The following RBFOX1 variants were observed in gnomAD, a reference collection of about 807,000 sequenced individuals.
RBFOX1 encodes the protein RNA binding fox-1 homolog 1, also known as RNA binding protein fox-1 homolog 1.
RBFOX1 carries 8 observed loss-of-function variants against 57.7 expected under a neutral mutation model. That is an observed-to-expected ratio of 0.14 (90% CI 0.08 to 0.25). The LOEUF (loss-of-function observed/expected upper bound fraction) is 0.25. Among genes scored for constraint, RBFOX1 ranks in the 10% least tolerant of loss-of-function variants. The pLI, the probability that RBFOX1 is intolerant of heterozygous loss-of-function variation, is 1.00. For missense variants in RBFOX1, 611 were observed against 548.5 expected, an observed-to-expected ratio of 1.11 and a Z score of -1.14; for synonymous variants, 326 against 222.4, an observed-to-expected ratio of 1.47 and a Z score of -4.15.
At chr16:6,594,926 C>G (rs772441255) in intron 2 of RBFOX1, among the ~76,000 whole-genome samples, 3 of 152,076 alleles carry the variant, frequency 2.0e-5, no homozygotes, top group Non-Finnish European at 4.4e-5. Flanking sequence ...GTAGCTGGGA[C>G]TACAGGTGCG....
chr16:5,412,093 G>C (rs476549), intron 1 of RBFOX1, among the ~76,000 whole-genome samples: 3 of 151,778 alleles, frequency 2.0e-5, no homozygotes, highest in East Asian at 1.9e-4. Context: ...AGGTAGCCTG[G>C]ATAATGGGGA....
intron 3 of RBFOX1, among the ~76,000 whole-genome samples, chr16:6,768,989 A>G (rs1305115458): frequency 1.3e-5 from 2 of 152,088 alleles, no homozygotes; most frequent in Admixed American, 1.3e-4. Flanking sequence ...GGGCTCCCAA[A>G]GTGTTGAGGT....
intron 2 of RBFOX1, among the ~76,000 whole-genome samples, chr16:6,360,854 G>C (rs754699847): frequency 2.0e-4 from 31 of 152,184 alleles, no homozygotes; most frequent in Non-Finnish European, 3.7e-4. Flanking sequence ...CAGTTGTTCA[G>C]TGTGTAGTCT....
rs34211877 is a variant in RBFOX1 at position 5,885,541 on chromosome 16, C to T, written c.351+18206C>T. Among the ~76,000 whole-genome samples the T allele has an allele frequency of 2.6e-3, 401 of 152,220 alleles. 9 individuals are homozygous for T. The highest frequency in any genetic ancestry group is 4.1e-4 in the Non-Finnish European group (28 of 68,020). Reference sequence around the variant, plus strand: ...GGCCTTTTGCTGTTTTTCAGAATCTCCTTTCCTTCCTCAAAGTGATGGGTA... The same window carrying T: ...GGCCTTTTGCTGTTTTTCAGAATCTTCTTTCCTTCCTCAAAGTGATGGGTA... On this transcript the variant is annotated intron_variant, in intron 4 of 19. Transcript: ENST00000641259.
intron 1 of RBFOX1, among the ~76,000 whole-genome samples, chr16:5,451,117 C>G (rs977872168): frequency 6.6e-6 from 1 of 152,182 alleles, no homozygotes; most frequent in African/African-American, 2.4e-5. Flanking sequence ...GAACCACAGC[C>G]TCCTGTTTAT....
At chr16:7,322,192 G>T (rs976898039) in intron 4 of RBFOX1, among the ~76,000 whole-genome samples, 1 of 152,232 alleles carries the variant, frequency 6.6e-6, no homozygotes, top group Non-Finnish European at 1.5e-5. Context: ...CCTGTTCTGA[G>T]ATGACTGCTA....
chr16:7,221,363 A>ATTTAT (rs1555593295), intron 4 of RBFOX1, among the ~76,000 whole-genome samples: 3 of 146,550 alleles, frequency 2.0e-5, no homozygotes, highest in South Asian at 2.1e-4. Flanking sequence ...TTATTTATTT[A>ATTTAT]TTTTTTTATT....
At chr16:6,198,375 T>A (rs990039431) in intron 1 of RBFOX1, among the ~76,000 whole-genome samples, 3 of 152,168 alleles carry the variant, frequency 2.0e-5, no homozygotes, top group Non-Finnish European at 4.4e-5. Flanking sequence ...CTAAACATAA[T>A]CAGCATATTA....
intron 4 of RBFOX1, among the ~76,000 whole-genome samples, chr16:7,400,229 A>G (rs2098218073): frequency 6.6e-6 from 1 of 152,152 alleles, no homozygotes; most frequent in South Asian, 2.1e-4. Context: ...TTAAAATTGC[A>G]CCTTCCCCAA....
At chr16:6,123,617 A>G (rs2096567628) in intron 1 of RBFOX1, among the ~76,000 whole-genome samples, 1 of 152,210 alleles carries the variant, frequency 6.6e-6, no homozygotes, top group Non-Finnish European at 1.5e-5. Flanking sequence ...ACTCAATGCC[A>G]CTGAACTATT....
At chr16:6,941,759 A>G (rs1437704680) in intron 3 of RBFOX1, among the ~76,000 whole-genome samples, 1 of 152,192 alleles carries the variant, frequency 6.6e-6, no homozygotes, top group Non-Finnish European at 1.5e-5. Context: ...TATACCAAGC[A>G]AGAGGTAGAA....
intron 1 of RBFOX1, among the ~76,000 whole-genome samples, chr16:5,313,758 G>C (rs1054311126): frequency 6.6e-6 from 1 of 152,142 alleles, no homozygotes; most frequent in African/African-American, 2.4e-5. Context: ...GAGAAAGACT[G>C]GCCCCCATGA....
At chr16:7,145,184 T>C (rs952606261) in intron 4 of RBFOX1, among the ~76,000 whole-genome samples, 3 of 152,026 alleles carry the variant, frequency 2.0e-5, no homozygotes, top group African/African-American at 7.2e-5. Flanking sequence ...CCCCCTACCC[T>C]TTTTTGTTTC....
At chr16:5,834,723 A>ATAGG in intron 3 of RBFOX1, among the ~76,000 whole-genome samples, 1 of 132,662 alleles carries the variant, frequency 7.5e-6, no homozygotes, top group Admixed American at 7.5e-5. Flanking sequence ...AGATACATAG[A>ATAGG]TACATAGATA....
At chr16:6,763,118 C>A (rs74658875) in intron 3 of RBFOX1, among the ~76,000 whole-genome samples, 3 of 152,162 alleles carry the variant, frequency 2.0e-5, no homozygotes, top group Non-Finnish European at 4.4e-5. Flanking sequence ...ACTGTCTCCT[C>A]CACCTCTAAA....
chr16:6,999,554 T>C (rs1156523410), intron 3 of RBFOX1, among the ~76,000 whole-genome samples: 2 of 152,056 alleles, frequency 1.3e-5, no homozygotes, highest in African/African-American at 4.8e-5. Flanking sequence ...AACACAAAAG[T>C]AGAATAGTAT....
At chr16:6,526,829 C>T (rs1290452432) in intron 2 of RBFOX1, among the ~76,000 whole-genome samples, 1 of 32,896 alleles carries the variant, frequency 3.0e-5, no homozygotes, top group Non-Finnish European at 5.5e-5. Flanking sequence ...GACTCTGTCT[C>T]AAAAAAAAAA....
At chr16:7,057,379 G>A (rs2052673555) in intron 4 of RBFOX1, among the ~76,000 whole-genome samples, 1 of 152,198 alleles carries the variant, frequency 6.6e-6, no homozygotes, top group East Asian at 1.9e-4. Context: ...CTCAACGTAT[G>A]TCTTGCTCAT....
chr16:6,839,873 C>T (rs915774423), intron 3 of RBFOX1, among the ~76,000 whole-genome samples: 2 of 152,102 alleles, frequency 1.3e-5, no homozygotes, highest in Non-Finnish European at 2.9e-5. Context: ...GGTATCTTTT[C>T]CCCTCCCATC....
Sources: allele counts gnomAD v4.1 joint callset (sites outside exome capture counted in the v4.1 genomes callset), GRCh38; gene constraint gnomAD v4.1.1; transcripts MANE v1.5; gene names NCBI Gene and HGNC (gene_info 2026-07-23, HGNC 2026-07-21).